DIAPH2: variants seen among roughly 807,000 people sequenced by gnomAD.
The protein encoded by DIAPH2 is diaphanous related formin 2.
DIAPH2 carries 35 observed loss-of-function variants against 92.7 expected under a neutral mutation model. The observed-to-expected ratio is 0.38, with a 90% confidence interval of 0.29 to 0.50. The LOEUF is 0.50. Ranked by LOEUF, DIAPH2 falls within the 20% of genes least tolerant of loss-of-function variation. The probability of loss-of-function intolerance (pLI) is 0.94; values close to 1 mark genes in which losing one functional copy is unlikely to be tolerated. For synonymous variants in DIAPH2, 301 were observed against 280.4 expected, an observed-to-expected ratio of 1.07 and a Z score of -0.73; for missense variants, 701 against 819.5, an observed-to-expected ratio of 0.86 and a Z score of 1.77.
At chrX:96,718,519 A>G (rs2063969569) in intron 1 of DIAPH2, among the ~76,000 whole-genome samples, 1 of 107,978 alleles carries the variant, frequency 9.3e-6, no homozygotes, top group Admixed American at 9.9e-5. Flanking sequence ...ATACCCAGCT[A>G]ATTTTTGTAT....
At position 97,011,836 on chromosome X, in the gene DIAPH2, G is replaced by T. The variant is rs1214575955; in HGVS notation, c.2050+46629G>T. Among the ~76,000 whole-genome samples the T allele has an allele frequency of 3.2e-5, 3 of 92,668 alleles. No homozygotes were observed. In the East Asian group the frequency reaches 1.1e-3, roughly 33 times the overall value. The allele number at this position is 92,668 out of a possible 115,157, so 80.5% of individuals were successfully genotyped here. A position where few individuals can be genotyped will look rare whatever the true frequency, so the allele number is the denominator to read the frequency against. ...GACCCTGGGAGGTGGAGGTTGCAGT[G>T]AGCCGAGATCGCATCACTGCACTCC... On this transcript the variant is annotated intron_variant, in intron 17 of 26. Coordinates refer to ENST00000324765, the MANE Select transcript of DIAPH2 (RefSeq NM_006729.5).
intron 24 of DIAPH2, among the ~76,000 whole-genome samples, chrX:97,357,113 GTTA>G (rs2069275407): frequency 9.0e-6 from 1 of 111,561 alleles, no homozygotes; most frequent in East Asian, 2.8e-4. Context: ...CTATAAATAA[GTTA>G]TTATTGAATT....
intron 22 of DIAPH2, among the ~76,000 whole-genome samples, chrX:97,150,476 G>A (rs1364132106): frequency 9.0e-6 from 1 of 111,247 alleles, no homozygotes; most frequent in Non-Finnish European, 1.9e-5. Flanking sequence ...ATTTTTGCTA[G>A]GGAACTGTAT....
chrX:97,526,648 C>G (rs1000864316), intron 26 of DIAPH2, among the ~76,000 whole-genome samples: 7 of 111,377 alleles, frequency 6.3e-5, no homozygotes, highest in Admixed American at 1.9e-4. Context: ...CACCTAAGTT[C>G]AAACTCTGAG....
chrX:96,874,965 A>G (rs1281836962), intron 4 of DIAPH2, among the ~76,000 whole-genome samples: 1 of 111,673 alleles, frequency 9.0e-6, no homozygotes, highest in Admixed American at 9.6e-5. Context: ...AAAATCCAAA[A>G]CTTCTTGAGA....
chrX:96,867,465 C>A (rs753098895), intron 4 of DIAPH2, among the ~76,000 whole-genome samples: 34 of 111,316 alleles, frequency 3.1e-4, no homozygotes, highest in African/African-American at 1.1e-3. Context: ...AGTGATCTGC[C>A]CGCCTCGGCC....
intron 4 of DIAPH2, among the ~76,000 whole-genome samples, chrX:96,791,606 GA>G (rs765692570): frequency 9.2e-6 from 1 of 108,307 alleles, no homozygotes; most frequent in Non-Finnish European, 1.9e-5. Flanking sequence ...CCATGGGGAG[GA>G]AAAAACCCCT....
chrX:97,071,214 G>A (rs2066667275), intron 17 of DIAPH2, among the ~76,000 whole-genome samples: 1 of 111,618 alleles, frequency 9.0e-6, no homozygotes, highest in African/African-American at 3.2e-5. Flanking sequence ...TCTTAAGCTG[G>A]AACTGGCTTG....
chrX:96,990,843 T>C lies in DIAPH2; in HGVS notation c.2050+25636T>C, dbSNP rs369559775. On this transcript the variant is annotated intron_variant, in intron 17 of 26. Transcript: ENST00000324765. ...CACTGGAGTCTGGAATATATCTTAGTACTTTCTCTCTTTTCTCAGTAACCC... is the reference window on the plus strand; with the variant it reads ...CACTGGAGTCTGGAATATATCTTAGCACTTTCTCTCTTTTCTCAGTAACCC... Among the ~76,000 whole-genome samples, 4 of 111,400 alleles carry C rather than the reference T, an allele frequency of 3.6e-5. No individual in the cohort carries two copies. The East Asian group carries it at 8.4e-4, about 24-fold the overall frequency.
intron 26 of DIAPH2, among the ~76,000 whole-genome samples, chrX:97,534,231 C>T (rs762132857): frequency 9.0e-6 from 1 of 111,270 alleles, no homozygotes; most frequent in Admixed American, 9.6e-5. Context: ...CAAATTATCA[C>T]CTCATTCATT....
intron 26 of DIAPH2, among the ~76,000 whole-genome samples, chrX:97,487,162 A>G (rs940241471): frequency 2.7e-5 from 3 of 112,236 alleles, no homozygotes; most frequent in East Asian, 5.6e-4. Flanking sequence ...CATTTACTCT[A>G]TTCATTCACT....
rs181681465 is a variant in DIAPH2 at position 97,223,629 on chromosome X, T to A, written c.2720-24086T>A. On this transcript the variant is annotated intron_variant, in intron 22 of 26. Coordinates refer to ENST00000324765, the MANE Select transcript of DIAPH2 (RefSeq NM_006729.5). ...CTATTTTTTGCCTTATATTTTCTAA[T>A]TTTCTATATTTCTAATTTCTAGGGC... Among the ~76,000 whole-genome samples, 840 of 111,924 alleles carry A rather than the reference T, an allele frequency of 7.5e-3. 4 individuals are homozygous for A. The highest frequency in any genetic ancestry group is 0.011 in the Non-Finnish European group (611 of 53,162).
chrX:96,884,336 A>G lies in DIAPH2; in HGVS notation c.587+2618A>G, dbSNP rs142187288. ...ATGAGTAAGAGTGGGTTTGGGAGCT[A>G]TGGCAGCATTTCTGCTGCTGATGGA... On this transcript the variant is annotated intron_variant, in intron 5 of 26. Transcript: ENST00000324765. The G allele has an allele frequency of 1.4e-4, 174 of 1,208,082 alleles. No homozygotes were observed. Among genetic ancestry groups the G allele is most frequent in the Middle Eastern group, 1.2e-3 (5 of 4,292 alleles).
intron 25 of DIAPH2, among the ~76,000 whole-genome samples, chrX:97,392,871 A>G (rs1244340925): frequency 9.0e-6 from 1 of 111,593 alleles, no homozygotes; most frequent in Non-Finnish European, 1.9e-5. Flanking sequence ...TTATACGTTA[A>G]TGGCATTTGG....
In DIAPH2 at chrX:97,119,754, C is replaced by G. The variant is rs149813817; in HGVS notation, c.2589+4789C>G. Among the ~76,000 whole-genome samples the G allele has an allele frequency of 8.4e-3, 938 of 111,237 alleles. 16 individuals are homozygous for G. The highest frequency in any genetic ancestry group is 0.03 in the African/African-American group (909 of 30,551). Reference sequence around the variant, plus strand: ...GCTGCTGAGCGTGAGATTCCCAGCTCAATGGAGTTGTGTACCTACCGTGGA... The same window carrying G: ...GCTGCTGAGCGTGAGATTCCCAGCTGAATGGAGTTGTGTACCTACCGTGGA... On this transcript the variant is annotated intron_variant, in intron 21 of 26. Coordinates refer to ENST00000324765, the MANE Select transcript of DIAPH2 (RefSeq NM_006729.5).
intron 26 of DIAPH2, among the ~76,000 whole-genome samples, chrX:97,534,275 T>C (rs1412340921): frequency 1.8e-5 from 2 of 110,962 alleles, no homozygotes; most frequent in Admixed American, 1.9e-4. Flanking sequence ...ATATTTTTAT[T>C]CTTTTGCCTT....
At chrX:97,092,017 T>G (rs2066829583) in intron 19 of DIAPH2, among the ~76,000 whole-genome samples, 1 of 111,436 alleles carries the variant, frequency 9.0e-6, no homozygotes, top group East Asian at 2.8e-4. Flanking sequence ...GGCTTTGTTT[T>G]TTCTCCAAAA....
chrX:97,343,566 G>T (rs905522176), intron 23 of DIAPH2, among the ~76,000 whole-genome samples: 20 of 110,995 alleles, frequency 1.8e-4, no homozygotes, highest in Non-Finnish European at 3.4e-4. Context: ...CTACTTGGGA[G>T]GCTGAGGCGG....
chrX:97,459,569 C>T (rs5921827), intron 26 of DIAPH2, among the ~76,000 whole-genome samples: 7,409 of 111,974 alleles, frequency 0.066, 254 homozygotes, highest in African/African-American at 0.14. Context: ...GTGGTGGTTA[C>T]TAATCTCATC....
Sources: allele counts gnomAD v4.1 joint callset (sites outside exome capture counted in the v4.1 genomes callset), GRCh38; gene constraint gnomAD v4.1.1; transcripts MANE v1.5; gene names NCBI Gene and HGNC (gene_info 2026-07-23, HGNC 2026-07-21).